Variants in NCALD observed in about 807,000 individuals in gnomAD.
The protein encoded by NCALD is neurocalcin-delta.
Under a neutral mutation model 18.6 loss-of-function variants are expected in NCALD, and 10 were observed. The ratio of observed to expected loss-of-function variants is 0.54; its 90% CI spans 0.33 to 0.91. NCALD has a LOEUF of 0.91. Among genes scored for constraint, NCALD ranks in the 40% least tolerant of loss-of-function variants. NCALD has a pLI of 0.03. For synonymous variants in NCALD, 88 were observed against 87.4 expected (o/e 1.01, Z -0.04); for missense variants, 184 against 247.6 (o/e 0.74, Z 1.72).
intron 4 of NCALD, among the ~76,000 whole-genome samples, chr8:101,826,829 C>T (rs781667045): frequency 6.6e-5 from 10 of 152,124 alleles, no homozygotes; most frequent in East Asian, 3.8e-4. Flanking sequence ...ACCTTGCCTC[C>T]GCTTTAAAAT....
At chr8:102,074,812 G>GT (rs1346547019) in intron 1 of NCALD, among the ~76,000 whole-genome samples, 1 of 152,150 alleles carries the variant, frequency 6.6e-6, no homozygotes, top group Non-Finnish European at 1.5e-5. Context: ...TAGAACAGTG[G>GT]TTTTTTAATC....
intron 4 of NCALD, among the ~76,000 whole-genome samples, chr8:101,814,831 A>T (rs987317779): frequency 2.6e-5 from 4 of 152,134 alleles, no homozygotes; most frequent in African/African-American, 7.2e-5. Context: ...TAAAAACACA[A>T]TACCATTTAC....
chr8:102,000,264 G>C (rs886475981), intron 2 of NCALD, among the ~76,000 whole-genome samples: 1 of 152,130 alleles, frequency 6.6e-6, no homozygotes, highest in Admixed American at 6.5e-5. Flanking sequence ...CACCCACGGA[G>C]CCGTGCTCAT....
Position 101,779,634 on chromosome 8 carries a change from T to C in NCALD, c.-20+11228A>G, listed in dbSNP as rs868650191. Among the ~76,000 whole-genome samples the C allele has an allele frequency of 2.0e-5, 3 of 152,164 alleles. No individual in the cohort carries two copies. In the South Asian group the frequency reaches 6.2e-4, roughly 31 times the overall value. ...GTGGTTTACGACTTCATGAACTATA[T>C]TCCTTACGGATTGCCCTTTTTTATA... On this transcript the variant is annotated intron_variant, in intron 1 of 3. Coordinates refer to ENST00000220931, the MANE Select transcript of NCALD (RefSeq NM_032041.3).
intron 1 of NCALD, among the ~76,000 whole-genome samples, chr8:101,769,687 C>G (rs1488441327): frequency 6.6e-6 from 1 of 151,574 alleles, no homozygotes; most frequent in Non-Finnish European, 1.5e-5. Context: ...GCAACGGCAT[C>G]TTTCACCAGC....
chr8:101,882,505 G>A (rs1303532243), intron 4 of NCALD, among the ~76,000 whole-genome samples: 2 of 152,280 alleles, frequency 1.3e-5, no homozygotes, highest in African/African-American at 4.8e-5. Context: ...CTCAAGAACT[G>A]TAGGAAATAA....
chr8:101,726,243 G>C (rs1405750015), intron 1 of NCALD, among the ~76,000 whole-genome samples: 2 of 152,164 alleles, frequency 1.3e-5, no homozygotes, highest in Non-Finnish European at 2.9e-5. Context: ...CCAGTGTAGG[G>C]TTTTTATCAG....
intron 1 of NCALD, among the ~76,000 whole-genome samples, chr8:101,760,443 G>A (rs1811064401): frequency 6.6e-6 from 1 of 152,180 alleles, no homozygotes; most frequent in Non-Finnish European, 1.5e-5. Flanking sequence ...ACAACAGGAG[G>A]GGGAAGGGAC....
chr8:101,838,231 C>CT (rs144359224), intron 4 of NCALD, among the ~76,000 whole-genome samples: 7,079 of 151,366 alleles, frequency 0.047, 286 homozygotes, highest in African/African-American at 0.1. Context: ...CTTTTATTTT[C>CT]TTTTTTTTTG....
intron 1 of NCALD, among the ~76,000 whole-genome samples, chr8:102,122,438 A>G (rs975076628): frequency 6.6e-6 from 1 of 152,206 alleles, no homozygotes; most frequent in Non-Finnish European, 1.5e-5. Flanking sequence ...GGACTGGAGT[A>G]AGACGGTCCT....
In NCALD at chr8:101,787,399, G is replaced by T. The variant is rs1031265491; in HGVS notation, c.-20+3463C>A. Among the ~76,000 whole-genome samples the T allele has an allele frequency of 3.4e-4, 52 of 152,134 alleles. 1 individual carries two copies. The highest frequency in any genetic ancestry group is 1.3e-3 in the African/African-American group (52 of 41,436). On this transcript the variant is annotated intron_variant, in intron 1 of 3. Transcript: ENST00000220931. Reference sequence around the variant, plus strand: ...GCTAAGCTTCCATTTCAAATGCGAGGGATTTGGATTGAATTTAAACAACAG... The same window carrying T: ...GCTAAGCTTCCATTTCAAATGCGAGTGATTTGGATTGAATTTAAACAACAG...
At position 101,894,817 on chromosome 8, in the gene NCALD, A is replaced by G. The variant is rs1284297891; in HGVS notation, c.-106-7590T>C. Among the ~76,000 whole-genome samples, 10 of 149,892 alleles carry G rather than the reference A, an allele frequency of 6.7e-5. 1 individual carries two copies. Among genetic ancestry groups the G allele is most frequent in the African/African-American group, 2.5e-4 (10 of 39,474 alleles). Reference sequence around the variant, plus strand: ...ACTCTCCCGAGACTAAACCAGGAAGAAGTTGAATCTCTGAATAGACCAATA... The same window carrying G: ...ACTCTCCCGAGACTAAACCAGGAAGGAGTTGAATCTCTGAATAGACCAATA... On this transcript the variant is annotated intron_variant, in intron 3 of 6. Transcript: ENST00000311028.
At chr8:102,010,549 G>A (rs1380186717) in intron 2 of NCALD, among the ~76,000 whole-genome samples, 3 of 152,194 alleles carry the variant, frequency 2.0e-5, no homozygotes, top group African/African-American at 7.2e-5. Flanking sequence ...AATAAGTTGA[G>A]TGTTGAGCAG....
chr8:101,802,373 C>T (rs2131086479), intron 4 of NCALD, among the ~76,000 whole-genome samples: 1 of 152,124 alleles, frequency 6.6e-6, no homozygotes, highest in East Asian at 1.9e-4. Context: ...CCCACAATGG[C>T]CTCTAAGAGT....
intron 1 of NCALD, among the ~76,000 whole-genome samples, chr8:102,041,151 A>G (rs2132176672): frequency 6.6e-6 from 1 of 152,270 alleles, no homozygotes; most frequent in East Asian, 1.9e-4. Flanking sequence ...CCTTTCTTTT[A>G]TTATCTGCAC....
intron 2 of NCALD, among the ~76,000 whole-genome samples, chr8:101,994,497 C>T (rs1586889367): frequency 6.6e-6 from 1 of 152,192 alleles, no homozygotes; most frequent in East Asian, 1.9e-4. Flanking sequence ...ATCTAGTAAA[C>T]CCCAGCCCAC....
At chr8:101,820,560 G>T (rs573156322) in intron 4 of NCALD, among the ~76,000 whole-genome samples, 1 of 152,214 alleles carries the variant, frequency 6.6e-6, no homozygotes, top group South Asian at 2.1e-4. Flanking sequence ...GTTTTATACT[G>T]TAAAAAAATT....
At chr8:101,700,821 C>T (rs1035730584) in intron 2 of NCALD, among the ~76,000 whole-genome samples, 1 of 152,098 alleles carries the variant, frequency 6.6e-6, no homozygotes, top group Admixed American at 6.5e-5. Flanking sequence ...CAAACAACTC[C>T]CACTACTTCC....
At chr8:101,995,628 A>T (rs983947583) in intron 2 of NCALD, among the ~76,000 whole-genome samples, 5 of 152,148 alleles carry the variant, frequency 3.3e-5, no homozygotes, top group South Asian at 2.1e-4. Context: ...CTCATCACCA[A>T]GAGGATGGCC....
Sources: allele counts gnomAD v4.1 joint callset (sites outside exome capture counted in the v4.1 genomes callset), GRCh38; gene constraint gnomAD v4.1.1; transcripts MANE v1.5; gene names NCBI Gene and HGNC (gene_info 2026-07-23, HGNC 2026-07-21).